Variants in LDLRAD4 observed in about 807,000 individuals in gnomAD.
LDLRAD4 encodes low-density lipoprotein receptor class A domain-containing protein 4.
In LDLRAD4, 5 loss-of-function variants were observed where a neutral mutation model predicts 17.0. The observed-to-expected ratio is 0.29, with a 90% CI of 0.15 to 0.62. The LOEUF is 0.62. LDLRAD4 is among the 20% of genes least tolerant of loss of function. The pLI is 0.84. For synonymous variants in LDLRAD4, 168 were observed against 171.8 expected (o/e 0.98, Z 0.17); for missense variants, 340 against 424.7 (o/e 0.80, Z 1.75).
At chr18:13,277,614 C>A (rs1025026819), upstream of LDLRAD4, among the ~76,000 whole-genome samples, 1 of 152,256 alleles carries the variant, frequency 6.6e-6, no homozygotes, top group Admixed American at 6.5e-5. Context: ...GGGCTTGCCT[C>A]TTCCATGAAA....
intron 1 of LDLRAD4, among the ~76,000 whole-genome samples, chr18:13,345,468 G>T (rs1313858157): frequency 2.0e-5 from 3 of 152,204 alleles, no homozygotes; most frequent in Non-Finnish European, 2.9e-5. Flanking sequence ...TTGATGTGCT[G>T]CTGGATTCGG....
chr18:13,409,512 A>G (rs1372352154), intron 2 of LDLRAD4, among the ~76,000 whole-genome samples: 1 of 152,226 alleles, frequency 6.6e-6, no homozygotes. Context: ...CTATTAACCT[A>G]TTGTATCTTA....
At chr18:13,261,996 GTGGGGCTCTGTGCGTGGGGGC>G (rs1156584390) in intron 1 of LDLRAD4, among the ~76,000 whole-genome samples, 2 of 150,804 alleles carry the variant, frequency 1.3e-5, no homozygotes, top group African/African-American at 4.9e-5. Context: ...ACTGAGTCCC[GTGGGGCTCTGTGCGTGGGGGC>G]TGAGTCCCGT....
intron 3 of LDLRAD4, among the ~76,000 whole-genome samples, chr18:13,540,368 G>A (rs190078715): frequency 3.3e-5 from 5 of 152,340 alleles, no homozygotes; most frequent in Admixed American, 2.6e-4. Flanking sequence ...GCAGATGTCT[G>A]CAGTTGTTAA....
At chr18:13,634,687 A>G (rs759412604) in intron 4 of LDLRAD4, among the ~76,000 whole-genome samples, 41 of 152,066 alleles carry the variant, frequency 2.7e-4, no homozygotes, top group African/African-American at 8.7e-4. Flanking sequence ...TGAAATCCCA[A>G]TGAGGCTTTT....
At chr18:13,452,210 CAGG>C (rs1446759058) in intron 3 of LDLRAD4, among the ~76,000 whole-genome samples, 2 of 152,120 alleles carry the variant, frequency 1.3e-5, no homozygotes, top group Non-Finnish European at 2.9e-5. Context: ...AAAGCCACAG[CAGG>C]AGATGAATAG....
At chr18:13,330,172 G>C (rs865780625) in intron 1 of LDLRAD4, among the ~76,000 whole-genome samples, 55 of 152,236 alleles carry the variant, frequency 3.6e-4, no homozygotes, top group African/African-American at 1.2e-3. Context: ...TGTTAGCCAG[G>C]ATGATCTCGA....
Position 13,337,482 on chromosome 18 carries a change from C to T in LDLRAD4, c.-382-49859C>T, listed in dbSNP as rs147769391. ...TTGTCTTTTTGCTTTTGTTTGATAT[C>T]GAGAGGAAAGGAAAAAGTTCTGTTT... On this transcript the variant is annotated intron_variant, in intron 1 of 5. Transcript: ENST00000359446. Among the ~76,000 whole-genome samples the T allele has an allele frequency of 4.5e-4, 69 of 152,042 alleles. 2 individuals are homozygous for T. The East Asian group carries it at 0.012, about 26-fold the overall frequency.
chr18:13,496,640 C>T (rs1007725748), intron 3 of LDLRAD4, among the ~76,000 whole-genome samples: 1 of 152,078 alleles, frequency 6.6e-6, no homozygotes, highest in Non-Finnish European at 1.5e-5. Flanking sequence ...TGATGTTTTC[C>T]GAGAGGAGGA....
chr18:13,322,129 C>T (rs7242140), intron 1 of LDLRAD4, among the ~76,000 whole-genome samples: 58,212 of 151,090 alleles, frequency 0.39, 11,503 homozygotes, highest in African/African-American at 0.48. Context: ...TGTTGTATTG[C>T]GACACACTTA....
intron 3 of LDLRAD4, among the ~76,000 whole-genome samples, chr18:13,610,517 C>A (rs1022728703): frequency 6.6e-5 from 10 of 151,918 alleles, no homozygotes; most frequent in African/African-American, 2.4e-4. Context: ...GAACTCCTGA[C>A]CTCAGGTGAT....
chr18:13,435,067 A>G (rs2090566561), intron 2 of LDLRAD4, among the ~76,000 whole-genome samples: 1 of 152,218 alleles, frequency 6.6e-6, no homozygotes, highest in African/African-American at 2.4e-5. Flanking sequence ...TAGGGTTATC[A>G]GTTTGTTTGA....
chr18:13,468,776 C>T (rs1416865254), intron 3 of LDLRAD4, among the ~76,000 whole-genome samples: 3 of 145,724 alleles, frequency 2.1e-5, no homozygotes, highest in Non-Finnish European at 4.4e-5. Context: ...TGCATGTTCT[C>T]ACTCATAGGT....
At chr18:13,530,259 T>C (rs1363489949) in intron 3 of LDLRAD4, among the ~76,000 whole-genome samples, 1 of 152,156 alleles carries the variant, frequency 6.6e-6, no homozygotes, top group Non-Finnish European at 1.5e-5. Flanking sequence ...CTTTTAAAAG[T>C]AAGAAGAGGA....
intron 3 of LDLRAD4, among the ~76,000 whole-genome samples, chr18:13,547,738 T>C (rs926165905): frequency 1.3e-5 from 2 of 152,120 alleles, no homozygotes; most frequent in Admixed American, 6.5e-5. Context: ...AGTTTGGAAA[T>C]GCTAGGAAGT....
exon 6 of LDLRAD4, chr18:13,652,569 C>T (rs1240630191): frequency 2.6e-5 from 4 of 152,608 alleles, no homozygotes; most frequent in Non-Finnish European, 5.9e-5. Context: ...CCACCTGTCA[C>T]GTATCTGCCT....
intron 3 of LDLRAD4, among the ~76,000 whole-genome samples, chr18:13,468,553 A>ATGATTAT (rs1281821598): frequency 2.6e-5 from 4 of 152,156 alleles, no homozygotes; most frequent in African/African-American, 9.7e-5. Flanking sequence ...ATGCACATGT[A>ATGATTAT]TGTTTATTGC....
At chr18:13,265,716 C>T (rs1294550293) in intron 1 of LDLRAD4, among the ~76,000 whole-genome samples, 1 of 152,170 alleles carries the variant, frequency 6.6e-6, no homozygotes, top group African/African-American at 2.4e-5. Context: ...TGGCCCCACT[C>T]CCCAGGGCTT....
At chr18:13,522,501 G>C (rs954278138) in intron 3 of LDLRAD4, 9 of 152,002 alleles carry the variant, frequency 5.9e-5, no homozygotes, top group African/African-American at 2.2e-4. Context: ...GTCCTAAGGG[G>C]TTGTTTGTTT....
Sources: gnomAD v4.1 joint callset for allele counts (sites outside exome capture counted in the v4.1 genomes callset) on GRCh38, gnomAD v4.1.1 for gene constraint, MANE v1.5 for transcripts, NCBI Gene and HGNC (gene_info 2026-07-23, HGNC 2026-07-21) for gene names.